The following TEC variants were observed in gnomAD, a reference collection of about 807,000 sequenced individuals.
TEC encodes tec protein tyrosine kinase.
In TEC, 72 loss-of-function variants were observed where a neutral mutation model predicts 93.0. The observed-to-expected ratio is 0.77, with a 90% CI of 0.64 to 0.94. TEC has a LOEUF of 0.94. TEC is among the 40% of genes least tolerant of loss of function. TEC has a pLI of 0.00. For synonymous variants in TEC, 249 were observed against 247.7 expected (o/e 1.01, Z -0.05); for missense variants, 630 against 757.9 (o/e 0.83, Z 1.98).
At chr4:48,225,711 TTTTTTTTTC>T (rs1723433230) in intron 2 of TEC, among the ~76,000 whole-genome samples, 1 of 151,030 alleles carries the variant, frequency 6.6e-6, no homozygotes, top group African/African-American at 2.4e-5. Context: ...TTTTTTTTTC[TTTTTTTTTC>T]TTTTTTTTTT....
chr4:48,186,843 G>C (rs1165589441), intron 2 of TEC, among the ~76,000 whole-genome samples: 1 of 147,572 alleles, frequency 6.8e-6, no homozygotes, highest in African/African-American at 2.5e-5. Context: ...CCACTGCCCC[G>C]TCTGGGAGGT....
At chr4:48,214,038 C>T (rs1722993469) in intron 2 of TEC, among the ~76,000 whole-genome samples, 1 of 152,066 alleles carries the variant, frequency 6.6e-6, no homozygotes, top group Non-Finnish European at 1.5e-5. Context: ...AATGTGAGAT[C>T]TTTATATTAA....
At position 48,145,211 on chromosome 4, in the gene TEC, T is replaced by C; in HGVS notation, c.1338A>G (p.Glu446=). 2 of 1,614,124 alleles carry C rather than the reference T, an allele frequency of 1.2e-6. No homozygotes were observed. The highest frequency in any genetic ancestry group is 1.7e-6 in the Non-Finnish European group (2 of 1,180,016). The change falls in exon 14 of 18, where the codon GAA becomes GAG. Residue 446 remains glutamate (E), a synonymous_variant. Coordinates refer to ENST00000381501, the MANE Select transcript of TEC (RefSeq NM_003215.3). ...KPIYIVTEFM[E]RGCLLNFLRQ... ...GGAGGAAATTCAGAAGGCAGCCCCTTTCCATGAACTCAGTAACAATGTATA... is the reference window on the plus strand; with the variant it reads ...GGAGGAAATTCAGAAGGCAGCCCCTCTCCATGAACTCAGTAACAATGTATA...
intron 2 of TEC, among the ~76,000 whole-genome samples, chr4:48,183,495 G>A (rs932435860): frequency 2.0e-5 from 3 of 152,176 alleles, no homozygotes; most frequent in Non-Finnish European, 4.4e-5. Flanking sequence ...CATCCAATCC[G>A]ATGAGGGGGC....
Position 48,170,108 on chromosome 4 carries a change from C to G in TEC, c.454+140G>C, listed in dbSNP as rs1041179036. Reference sequence around the variant, plus strand: ...CTCACTGTAACTAAATATAATTTTTCTTACAAAACACACCTACCCTACATT... The same window carrying G: ...CTCACTGTAACTAAATATAATTTTTGTTACAAAACACACCTACCCTACATT... On this transcript the variant is annotated intron_variant, in intron 5 of 17. Transcript: ENST00000381501. 6.4e-6 allele frequency: 4 copies of G among 622,812 alleles called. No homozygotes were observed. In the South Asian group the frequency reaches 1.7e-4, roughly 26 times the overall value. The allele number at this position is 622,812 out of a possible 1,614,324, so 38.6% of individuals were successfully genotyped here.
chr4:48,260,452 C>T (rs899339440), intron 1 of TEC, among the ~76,000 whole-genome samples: 9 of 152,074 alleles, frequency 5.9e-5, no homozygotes, highest in African/African-American at 1.7e-4. Flanking sequence ...TGGATGCAGT[C>T]ATATGCATCT....
chr4:48,223,741 C>G (rs1432572504), intron 2 of TEC, among the ~76,000 whole-genome samples: 1 of 152,204 alleles, frequency 6.6e-6, no homozygotes. Flanking sequence ...GGAACTTGGA[C>G]TTTGGGAGGG....
intron 9 of TEC, among the ~76,000 whole-genome samples, chr4:48,151,279 G>A (rs894443656): frequency 1.1e-4 from 16 of 152,116 alleles, no homozygotes; most frequent in Admixed American, 2.6e-4. Flanking sequence ...GTAAGGCCTG[G>A]ACATGTAGGA....
At chr4:48,210,524 G>C (rs377736897) in intron 2 of TEC, among the ~76,000 whole-genome samples, 4 of 123,256 alleles carry the variant, frequency 3.2e-5, no homozygotes, top group Non-Finnish European at 7.5e-5. Context: ...AGGATGATGA[G>C]GAGGAGGAGG....
chr4:48,149,440 C>G, intron 11 of TEC, 117 bp downstream of exon 11: 2 of 1,056,246 alleles, frequency 1.9e-6, no homozygotes, highest in Non-Finnish European at 2.6e-6. Context: ...AATTTAAAAT[C>G]AACCACATTC....
chr4:48,149,922 G>C (rs1240786287), intron 10 of TEC, among the ~76,000 whole-genome samples: 1 of 152,184 alleles, frequency 6.6e-6, no homozygotes, highest in Non-Finnish European at 1.5e-5. Context: ...TTTTGAAAGA[G>C]AACATTTATG....
chr4:48,176,003 A>T, intron 3 of TEC, 79 bp downstream of exon 3: 1 of 1,110,692 alleles, frequency 9.0e-7, no homozygotes, highest in Non-Finnish European at 1.3e-6. Context: ...CCAGCAAAGC[A>T]AGGACAGGAA....
intron 8 of TEC, among the ~76,000 whole-genome samples, chr4:48,162,718 T>A (rs548240369): frequency 6.6e-6 from 1 of 152,328 alleles, no homozygotes; most frequent in South Asian, 2.1e-4. Context: ...GATGTTAAGG[T>A]ACACTTATGG....
rs1206594184 is a variant in TEC, at chr4:48,176,519, G to A, written c.139-333C>T. Among the ~76,000 whole-genome samples the A allele has an allele frequency of 3.9e-5, 6 of 152,108 alleles. No individual in the cohort carries two copies. The East Asian group carries it at 7.7e-4, about 20-fold the overall frequency. On this transcript the variant is annotated intron_variant, in intron 2 of 17. Transcript: ENST00000381501. ...GTGGATTACTTGAGGCCAGCAGTTC[G>A]AGACCAGCCTGGCCAACATGGCAAA...
intron 3 of TEC, among the ~76,000 whole-genome samples, chr4:48,172,301 T>A (rs567690047): frequency 6.6e-6 from 1 of 152,318 alleles, no homozygotes; most frequent in Middle Eastern, 3.4e-3. Flanking sequence ...AGTTAATACA[T>A]GGCTAGAAAC....
chr4:48,225,037 C>A lies in TEC; in HGVS notation c.138+3440G>T, dbSNP rs540799333. On this transcript the variant is annotated intron_variant, in intron 2 of 17. Coordinates refer to ENST00000381501, the MANE Select transcript of TEC (RefSeq NM_003215.3). ...AACTATGAACAATAAAAATAAATATCTCTAGGGCTATTTTATTTCTGAATG... is the reference window on the plus strand; with the variant it reads ...AACTATGAACAATAAAAATAAATATATCTAGGGCTATTTTATTTCTGAATG... Among the ~76,000 whole-genome samples the A allele has an allele frequency of 3.3e-5, 5 of 152,272 alleles. No homozygotes were observed. In the South Asian group the frequency reaches 1.0e-3, roughly 32 times the overall value.
chr4:48,223,942 T>C (rs1032904131), intron 2 of TEC, among the ~76,000 whole-genome samples: 3 of 152,222 alleles, frequency 2.0e-5, no homozygotes, highest in South Asian at 2.1e-4. Flanking sequence ...ATTGTCACAA[T>C]TGGATGCTGG....
At chr4:48,142,961 C>T (rs1174448691) in intron 14 of TEC, among the ~76,000 whole-genome samples, 5 of 152,114 alleles carry the variant, frequency 3.3e-5, no homozygotes, top group Non-Finnish European at 7.4e-5. Flanking sequence ...GCATTACAGG[C>T]GTGAGCCACC....
At chr4:48,183,477 A>G (rs944116706) in intron 2 of TEC, among the ~76,000 whole-genome samples, 1 of 152,244 alleles carries the variant, frequency 6.6e-6, no homozygotes, top group Non-Finnish European at 1.5e-5. Flanking sequence ...GCCATCGCAG[A>G]TGGGCATCAT....
Sources: allele counts gnomAD v4.1 joint callset (sites outside exome capture counted in the v4.1 genomes callset), GRCh38; gene constraint gnomAD v4.1.1; transcripts MANE v1.5; gene names NCBI Gene and HGNC (gene_info 2026-07-23, HGNC 2026-07-21).